The following GLIS3 variants were observed in gnomAD, a reference collection of about 807,000 sequenced individuals.
The protein encoded by GLIS3 is GLIS family zinc finger 3.
Under a neutral mutation model 78.6 loss-of-function variants are expected in GLIS3, and 53 were observed. That is an observed-to-expected ratio of 0.67 (90% CI 0.54 to 0.85). The LOEUF is 0.85. Ranked by LOEUF, GLIS3 falls within the 40% of genes least tolerant of loss-of-function variation. GLIS3 has a pLI of 0.00. For missense variants in GLIS3, 1,703 were observed against 1,231.1 expected, an observed-to-expected ratio of 1.38 and a Z score of -5.74; for synonymous variants, 684 against 509.9, an observed-to-expected ratio of 1.34 and a Z score of -4.60.
chr9:3,914,146 TTCTTTC>T (rs746157667), intron 6 of GLIS3, among the ~76,000 whole-genome samples: 15 of 146,748 alleles, frequency 1.0e-4, no homozygotes, highest in Non-Finnish European at 2.1e-4. Context: ...GTTTCTTTCT[TTCTTTC>T]TCTTTTTTTA....
At chr9:3,987,146 C>A (rs946413806) in intron 4 of GLIS3, among the ~76,000 whole-genome samples, 2 of 151,762 alleles carry the variant, frequency 1.3e-5, no homozygotes, top group African/African-American at 2.4e-5. Flanking sequence ...AAATGAAAAG[C>A]GTAAATTATA....
intron 2 of GLIS3, among the ~76,000 whole-genome samples, chr9:4,269,586 A>G (rs1323870708): frequency 6.6e-6 from 1 of 152,254 alleles, no homozygotes; most frequent in African/African-American, 2.4e-5. Flanking sequence ...GCACAAGCTT[A>G]TCTAACTACA....
At chr9:4,291,975 C>A (rs540934916) in intron 1 of GLIS3, among the ~76,000 whole-genome samples, 1 of 152,012 alleles carries the variant, frequency 6.6e-6, no homozygotes, top group Non-Finnish European at 1.5e-5. Context: ...CATGGTCCTA[C>A]CAAAAATGGC....
intron 9 of GLIS3, among the ~76,000 whole-genome samples, chr9:3,839,720 T>G (rs1049518848): frequency 2.6e-5 from 4 of 152,188 alleles, no homozygotes; most frequent in Non-Finnish European, 5.9e-5. Context: ...CTCAGGCTCA[T>G]GACCAAATCA....
intron 4 of GLIS3, among the ~76,000 whole-genome samples, chr9:4,026,237 T>C (rs574650556): frequency 6.6e-6 from 1 of 152,248 alleles, no homozygotes; most frequent in Non-Finnish European, 1.5e-5. Context: ...CCACGTAGTA[T>C]TTACTGAGAA....
At position 4,176,732 on chromosome 9, in the gene GLIS3, T is replaced by G. The variant is rs576189492; in HGVS notation, c.389-50791A>C. On this transcript the variant is annotated intron_variant, in intron 2 of 10. Coordinates refer to ENST00000381971, the MANE Select transcript of GLIS3 (RefSeq NM_001042413.2). ...TCCGCCTCCCGGGTTCAAATGATTCTCCTGACTCAACCTCCTGAGTAGCTG... is the reference window on the plus strand; with the variant it reads ...TCCGCCTCCCGGGTTCAAATGATTCGCCTGACTCAACCTCCTGAGTAGCTG... 4.8e-3 allele frequency among the ~76,000 whole-genome samples: 727 copies of G among 152,330 alleles called. 11 individuals carry two copies. Among genetic ancestry groups the G allele is most frequent in the African/African-American group, 0.017 (689 of 41,576 alleles).
chr9:4,096,592 A>T (rs925650638), intron 4 of GLIS3, among the ~76,000 whole-genome samples: 1 of 152,204 alleles, frequency 6.6e-6, no homozygotes, highest in Non-Finnish European at 1.5e-5. Context: ...ATTTACTCCT[A>T]GTGTGGACGA....
At position 4,062,224 on chromosome 9, in the gene GLIS3, C is replaced by T. The variant is rs1826713342; in HGVS notation, c.1710+55544G>A. 2.6e-5 allele frequency among the ~76,000 whole-genome samples: 4 copies of T among 152,162 alleles called. No individual in the cohort carries two copies. In the South Asian group the frequency reaches 8.3e-4, roughly 32 times the overall value. On this transcript the variant is annotated intron_variant, in intron 4 of 10. Transcript: ENST00000381971. ...ATACATTACCCCTGTGCCTTAGCGACTAATTTAGGAGAGAAAGGCATTTCA... is the reference window on the plus strand; with the variant it reads ...ATACATTACCCCTGTGCCTTAGCGATTAATTTAGGAGAGAAAGGCATTTCA...
At chr9:4,112,246 T>A (rs1831276309) in intron 4 of GLIS3, among the ~76,000 whole-genome samples, 1 of 152,196 alleles carries the variant, frequency 6.6e-6, no homozygotes, top group African/African-American at 2.4e-5. Context: ...CTTCTGCCAC[T>A]ACCAATCATT....
chr9:4,067,185 T>A (rs1827173791), intron 4 of GLIS3, among the ~76,000 whole-genome samples: 1 of 151,936 alleles, frequency 6.6e-6, no homozygotes, highest in Admixed American at 6.6e-5. Flanking sequence ...CTTAACACCT[T>A]TGACTCGTTA....
chr9:3,986,809 G>A (rs956360477), intron 4 of GLIS3, among the ~76,000 whole-genome samples: 1 of 152,206 alleles, frequency 6.6e-6, no homozygotes, highest in Non-Finnish European at 1.5e-5. Context: ...CACTAAAGTA[G>A]GCAAAGACCC....
chr9:4,331,100 A>G (rs553543584), intron 2 of GLIS3, among the ~76,000 whole-genome samples: 77 of 148,604 alleles, frequency 5.2e-4, no homozygotes, highest in Non-Finnish European at 7.8e-4. Flanking sequence ...ATTTAAAACA[A>G]CAGAAATGTA....
At chr9:3,987,566 G>T (rs1050873761) in intron 4 of GLIS3, among the ~76,000 whole-genome samples, 6 of 151,500 alleles carry the variant, frequency 4.0e-5, no homozygotes, top group Non-Finnish European at 4.4e-5. Context: ...GCTGGGCGTT[G>T]TGGTGGGCGC....
chr9:3,974,198 TA>T (rs1178486037), intron 4 of GLIS3, among the ~76,000 whole-genome samples: 7 of 152,238 alleles, frequency 4.6e-5, no homozygotes, highest in Non-Finnish European at 7.4e-5. Context: ...ATGAATTACA[TA>T]CAGTGGCAGG....
At chr9:3,994,725 A>C (rs1820603725) in intron 4 of GLIS3, among the ~76,000 whole-genome samples, 1 of 152,200 alleles carries the variant, frequency 6.6e-6, no homozygotes, top group African/African-American at 2.4e-5. Flanking sequence ...TGTCTTTTTA[A>C]AAATCAAAAC....
chr9:3,832,108 G>A (rs985296812), intron 9 of GLIS3, among the ~76,000 whole-genome samples: 3 of 151,344 alleles, frequency 2.0e-5, no homozygotes, highest in African/African-American at 7.3e-5. Flanking sequence ...TTTCCAATTT[G>A]TAAAATCAGG....
intron 2 of GLIS3, among the ~76,000 whole-genome samples, chr9:4,163,315 T>C (rs1309752570): frequency 6.6e-6 from 1 of 152,230 alleles, no homozygotes; most frequent in Admixed American, 6.5e-5. Context: ...CCCATTTAAT[T>C]TACCTATGTC....
chr9:4,282,779 A>G (rs921722120), intron 2 of GLIS3, among the ~76,000 whole-genome samples: 12 of 152,182 alleles, frequency 7.9e-5, no homozygotes, highest in Non-Finnish European at 1.3e-4. Context: ...ACATGTAGAT[A>G]TGTATCCTAT....
At chr9:4,466,713 G>T in the GLIS3 span, among the ~76,000 whole-genome samples, 5 of 152,196 alleles carry the variant, frequency 3.3e-5, no homozygotes, top group African/African-American at 1.2e-4. Context: ...AGCTCCCAGC[G>T]TGAGCGACGC....
Sources: allele counts gnomAD v4.1 joint callset (sites outside exome capture counted in the v4.1 genomes callset), GRCh38; gene constraint gnomAD v4.1.1; transcripts MANE v1.5; gene names NCBI Gene and HGNC (gene_info 2026-07-23, HGNC 2026-07-21).